The following MROH1 variants were observed in gnomAD, a reference collection of about 807,000 sequenced individuals.
MROH1 encodes the protein maestro heat like repeat family member 1.
In MROH1, 117 loss-of-function variants were observed where a neutral mutation model predicts 116.5. The ratio of observed to expected loss-of-function variants is 1.00; its 90% CI spans 0.86 to 1.17. MROH1 has a LOEUF of 1.17. Among genes scored for constraint, MROH1 ranks in the 50% most tolerant of loss-of-function variants. MROH1 has a pLI of 0.00. For synonymous variants in MROH1, 921 were observed against 583.9 expected (o/e 1.58, Z -8.32); for missense variants, 1,873 against 1,338.5 (o/e 1.40, Z -6.23).
intron 14 of MROH1, among the ~76,000 whole-genome samples, chr8:144,226,348 C>T (rs1278995593): frequency 2.0e-5 from 3 of 152,146 alleles, no homozygotes; most frequent in Non-Finnish European, 4.4e-5. Flanking sequence ...GCATCTTCGT[C>T]GAAAATCAGG....
intron 4 of MROH1, among the ~76,000 whole-genome samples, chr8:144,169,040 G>A (rs756217280): frequency 6.6e-5 from 10 of 152,226 alleles, no homozygotes; most frequent in African/African-American, 1.2e-4. Flanking sequence ...ACGTGGCCCG[G>A]CTGGCTCTCA....
In MROH1 at chr8:144,187,149, G is replaced by A. The variant is rs146499258; in HGVS notation, c.563-3635G>A. 2.4e-3 allele frequency among the ~76,000 whole-genome samples: 361 copies of A among 151,926 alleles called. 1 individual carries two copies. Among genetic ancestry groups the A allele is most frequent in the African/African-American group, 7.9e-3 (327 of 41,434 alleles). Reference sequence around the variant, plus strand: ...ACTCAGGCCGGGCATGGTGGCCTACGCCTGTAATCCCAGCACTTTGGGAGG... The same window carrying A: ...ACTCAGGCCGGGCATGGTGGCCTACACCTGTAATCCCAGCACTTTGGGAGG... On this transcript the variant is annotated intron_variant, in intron 7 of 43. Transcript: ENST00000326134.
At position 144,240,699 on chromosome 8, in the gene MROH1, T is replaced by C. The variant is rs987287028; in HGVS notation, c.1935+22T>C. The C allele has an allele frequency of 2.0e-4, 141 of 713,926 alleles. 1 individual carries two copies. Among genetic ancestry groups the C allele is most frequent in the Non-Finnish European group, 4.9e-5 (19 of 384,892 alleles). 44.2% of individuals were successfully genotyped at this position (713,926 alleles called of 1,614,324 possible). A position where few individuals can be genotyped will look rare whatever the true frequency, so the allele number is the denominator to read the frequency against. On this transcript the variant is annotated intron_variant, in intron 20 of 43. Coordinates refer to ENST00000326134, the MANE Select transcript of MROH1 (RefSeq NM_032450.3). ...GAAGGTGGGGCACCTGCTGGCGTTC[T>C]TGGTGTGGTACTTGGGCTCCGAGTT... is the stretch of plus-strand genomic sequence containing the variant.
At chr8:144,187,152 T>G (rs1827407363) in intron 7 of MROH1, among the ~76,000 whole-genome samples, 1 of 151,268 alleles carries the variant, frequency 6.6e-6, no homozygotes, top group South Asian at 2.1e-4. Context: ...GGCCTACGCC[T>G]GTAATCCCAG....
chr8:144,251,232 C>G (rs949858976), intron 33 of MROH1: 1 of 153,894 alleles, frequency 6.5e-6, no homozygotes, highest in African/African-American at 2.4e-5. Flanking sequence ...AGGGGGGACC[C>G]GCAGGCACCT....
At chr8:144,216,115 G>T (rs533998837) in intron 12 of MROH1, among the ~76,000 whole-genome samples, 1 of 149,360 alleles carries the variant, frequency 6.7e-6, no homozygotes, top group African/African-American at 2.5e-5. Flanking sequence ...GGAGGCGGAG[G>T]TTGCAGTGAG....
intron 14 of MROH1, among the ~76,000 whole-genome samples, chr8:144,232,182 G>A (rs1554823091): frequency 1.3e-5 from 2 of 152,036 alleles, no homozygotes; most frequent in Non-Finnish European, 2.9e-5. Context: ...CCATTAATCA[G>A]CCTCTCTTCA....
intron 2 of MROH1, among the ~76,000 whole-genome samples, chr8:144,161,945 G>A (rs777856064): frequency 5.3e-5 from 8 of 152,312 alleles, no homozygotes; most frequent in East Asian, 1.9e-4. Flanking sequence ...CACGTCAGGC[G>A]TGCCCTTGTC....
Position 144,247,396 on chromosome 8 carries a change from CTG to C in MROH1, c.2971_2972del (p.Val991LeufsTer11), listed in dbSNP as rs1178224922. The stretch of plus-strand genomic sequence containing the variant: ...CTGCCACCCGCCAGGAGGCCGTGGA[CTG>C]TGTCTACTCCCTGCTGTACCTCCAG... ...WPATRQEAVD[C>X]VYSLLYLQLG... On this transcript the variant is annotated frameshift_variant, in exon 30 of 44. Transcript: ENST00000326134. LOFTEE classifies it high-confidence loss of function. The C allele has an allele frequency of 2.6e-6, 2 of 771,350 alleles. No homozygotes were observed. Among genetic ancestry groups the C allele is most frequent in the Admixed American group, 1.7e-5 (1 of 57,816 alleles). The allele number at this position is 771,350 out of a possible 1,614,324, so 47.8% of individuals were successfully genotyped here.
intron 1 of MROH1, among the ~76,000 whole-genome samples, chr8:144,154,810 A>G (rs1409931955): frequency 6.6e-6 from 1 of 151,804 alleles, no homozygotes; most frequent in Non-Finnish European, 1.5e-5. Flanking sequence ...GATTACAGGC[A>G]TGCGCTACCA....
chr8:144,168,547 C>A lies in MROH1; in HGVS notation c.168+107C>A, dbSNP rs980741802. The A allele has an allele frequency of 5.1e-6, 7 of 1,368,540 alleles. No homozygotes were observed. The East Asian group carries it at 1.2e-4, about 23-fold the overall frequency. 84.8% of individuals were successfully genotyped at this position (1,368,540 alleles called of 1,614,324 possible). On this transcript the variant is annotated intron_variant, in intron 4 of 43. Coordinates refer to ENST00000326134, the MANE Select transcript of MROH1 (RefSeq NM_032450.3). ...GCCAGGAGCAGTGGGTCGGGTGTTA[C>A]GCAGGGGTGGCCACATGTCTAACCC... is the stretch of plus-strand genomic sequence containing the variant.
chr8:144,228,501 G>A (rs928392760), intron 14 of MROH1, among the ~76,000 whole-genome samples: 5 of 152,114 alleles, frequency 3.3e-5, no homozygotes, highest in African/African-American at 4.8e-5. Context: ...GTCTTGCTCT[G>A]TTGCCAGGCT....
rs902606117 is a variant in MROH1, at chr8:144,156,567, G to A, written c.-176-4403G>A. ...CCTAAAAAAATACAAAAATTAGCCA[G>A]GCGTGATGGTGTGTGCCTGTAGTCC... On this transcript the variant is annotated intron_variant, in intron 1 of 43. Transcript: ENST00000326134. Among the ~76,000 whole-genome samples, 377 of 151,570 alleles carry A rather than the reference G, an allele frequency of 2.5e-3. 4 individuals are homozygous for A. The highest frequency in any genetic ancestry group is 8.5e-3 in the African/African-American group (352 of 41,400).
chr8:144,253,221 C>G (rs1198680016), intron 33 of MROH1, among the ~76,000 whole-genome samples: 1 of 151,948 alleles, frequency 6.6e-6, no homozygotes, highest in African/African-American at 2.4e-5. Context: ...AGGATGGGTT[C>G]TACATTCATA....
At chr8:144,231,869 C>T (rs952302687) in intron 14 of MROH1, among the ~76,000 whole-genome samples, 4 of 152,212 alleles carry the variant, frequency 2.6e-5, no homozygotes, top group East Asian at 3.8e-4. Flanking sequence ...AACAACGTCA[C>T]GCCCGAAATG....
chr8:144,161,838 G>A (rs538875024), intron 2 of MROH1, among the ~76,000 whole-genome samples: 4 of 152,250 alleles, frequency 2.6e-5, no homozygotes, highest in African/African-American at 7.2e-5. Flanking sequence ...CTGGCTACCC[G>A]CAGGGCACAG....
At chr8:144,245,600 G>A (rs1047207678) in intron 29 of MROH1, among the ~76,000 whole-genome samples, 2,159 of 152,290 alleles carry the variant, frequency 0.014, 39 homozygotes, top group African/African-American at 0.047. Context: ...TCAGGAACAG[G>A]TATTAGATTT....
chr8:144,201,242 G>A (rs1831070395), intron 12 of MROH1: 2 of 151,892 alleles, frequency 1.3e-5, no homozygotes, highest in African/African-American at 2.4e-5. Context: ...TTTTTTTTTA[G>A]TAGAGACAGG....
chr8:144,198,110 A>G (rs1341499957), intron 10 of MROH1, among the ~76,000 whole-genome samples: 1 of 151,688 alleles, frequency 6.6e-6, no homozygotes, highest in African/African-American at 2.4e-5. Context: ...CGTAGAGCCG[A>G]GCCCTGGGGC....
Sources: allele counts gnomAD v4.1 joint callset (sites outside exome capture counted in the v4.1 genomes callset), GRCh38; gene constraint gnomAD v4.1.1; transcripts MANE v1.5; gene names NCBI Gene and HGNC (gene_info 2026-07-23, HGNC 2026-07-21).